Variants in CLTCL1 observed in about 807,000 individuals in gnomAD.
CLTCL1 encodes clathrin heavy chain 2.
In CLTCL1, 159 loss-of-function variants were observed where a neutral mutation model predicts 190.0. The observed-to-expected ratio is 0.84, with a 90% CI of 0.74 to 0.95. The LOEUF (loss-of-function observed/expected upper bound fraction) is 0.95. Among genes scored for constraint, CLTCL1 ranks in the 40% least tolerant of loss-of-function variants. The pLI is 0.00. For synonymous variants in CLTCL1, 752 were observed against 769.6 expected (o/e 0.98, Z 0.38); for missense variants, 1,878 against 2,033.4 (o/e 0.92, Z 1.47).
Position 19,193,046 on chromosome 22 carries a change from A to T in CLTCL1, c.4192-1611T>A, listed in dbSNP as rs529412275. ...GACTCAAGTTCATCTTCTGTGGCGA[A>T]TCACCTCCTCAAAGCCCCACCTGCT... is the stretch of plus-strand genomic sequence containing the variant. On this transcript the variant is annotated intron_variant, in intron 26 of 32. Transcript: ENST00000427926. Among the ~76,000 whole-genome samples the T allele has an allele frequency of 2.6e-4, 40 of 152,270 alleles. No homozygotes were observed. In the South Asian group the frequency reaches 8.1e-3, roughly 31 times the overall value.
At chr22:19,220,663 G>A (rs1877256519) in intron 17 of CLTCL1, among the ~76,000 whole-genome samples, 1 of 152,232 alleles carries the variant, frequency 6.6e-6, no homozygotes, top group African/African-American at 2.4e-5. Context: ...ACAAGGCTGA[G>A]CGGCGTGCAC....
intron 29 of CLTCL1, among the ~76,000 whole-genome samples, chr22:19,186,636 T>C (rs1174345095): frequency 1.3e-5 from 2 of 152,066 alleles, no homozygotes; most frequent in African/African-American, 4.8e-5. Flanking sequence ...AGTCTCACTC[T>C]GTCACCCGGG....
At chr22:19,214,745 A>G (rs2145689654) in intron 19 of CLTCL1, among the ~76,000 whole-genome samples, 1 of 146,842 alleles carries the variant, frequency 6.8e-6, no homozygotes, top group East Asian at 2.0e-4. Flanking sequence ...TAGTGGTGCC[A>G]TCTCGGCTCA....
chr22:19,242,982 T>C (rs782405737), intron 3 of CLTCL1, 46 bp from the exon 4 acceptor site: 35 of 1,524,474 alleles, frequency 2.3e-5, no homozygotes, highest in Middle Eastern at 1.8e-4. Context: ...AAGAGAGGAA[T>C]ATAAAGAAAC....
chr22:19,202,571 C>CCGT (rs2084932090), intron 22 of CLTCL1, among the ~76,000 whole-genome samples: 5 of 141,720 alleles, frequency 3.5e-5, no homozygotes, highest in African/African-American at 1.3e-4. Flanking sequence ...TCCCCTCCTT[C>CCGT]CATCATCCAT....
In CLTCL1 at chr22:19,208,211, G is replaced by C; in HGVS notation, c.3543C>G (p.Ser1181Arg). 6.2e-7 allele frequency: 1 copy of C among 1,613,830 alleles called. No individual in the cohort carries two copies. Among genetic ancestry groups the C allele is most frequent in the South Asian group, 1.1e-5 (1 of 91,076 alleles). Reference protein sequence around the residue: ...TELIFALAKTSRVSELEDFIN... With the variant: ...TELIFALAKTRRVSELEDFIN... Reference sequence around the variant, plus strand: ...TAAAATCTTCTAGCTCAGAAACACGGCTGGTTTTAGCCAAGGCAAAAATAA... The same window carrying C: ...TAAAATCTTCTAGCTCAGAAACACGCCTGGTTTTAGCCAAGGCAAAAATAA... The change falls in exon 22 of 33, where the codon AGC becomes AGG. Residue 1181 changes from serine (S) to arginine (R), a missense_variant. Coordinates refer to ENST00000427926, the MANE Select transcript of CLTCL1 (RefSeq NM_007098.4).
chr22:19,222,011 A>G lies in CLTCL1; in HGVS notation c.2501T>C (p.Met834Thr), dbSNP rs781864337. Residue 834 changes from methionine (M) to threonine (T), a missense_variant, in exon 16 of 33, where the codon ATG becomes ACG. Transcript: ENST00000427926. ...AGTAGAGAACTGTCCTCTCACTGCC[A>G]TGATTAAGTGTTTAATCACTTCCTC... ...CSEEVIKHLI[M>T]AVRGQFSTDE... is the part of the protein sequence containing the mutation. 3 of 1,613,878 alleles carry G rather than the reference A, an allele frequency of 1.9e-6. No homozygotes were observed. Among genetic ancestry groups the G allele is most frequent in the Non-Finnish European group, 8.5e-7 (1 of 1,179,754 alleles).
In CLTCL1 at chr22:19,261,510, C is replaced by A. The variant is rs181625186; in HGVS notation, c.251-7283G>T. 2.0e-5 allele frequency among the ~76,000 whole-genome samples: 3 copies of A among 152,270 alleles called. No homozygotes were observed. The East Asian group carries it at 5.8e-4, about 29-fold the overall frequency. Reference sequence around the variant, plus strand: ...AACCTCCTGGAAAGGATTCACCATTCTAGATGCAACTAAGAACATTCGTGA... The same window carrying A: ...AACCTCCTGGAAAGGATTCACCATTATAGATGCAACTAAGAACATTCGTGA... On this transcript the variant is annotated intron_variant, in intron 2 of 32. Transcript: ENST00000427926.
chr22:19,282,981 C>T (rs546858302), intron 1 of CLTCL1, among the ~76,000 whole-genome samples: 1 of 151,436 alleles, frequency 6.6e-6, no homozygotes, highest in Non-Finnish European at 1.5e-5. Context: ...AAGTGATTCT[C>T]CAGCCTCAGC....
At chr22:19,252,652 G>A (rs115049933) in intron 3 of CLTCL1, among the ~76,000 whole-genome samples, 13 of 152,242 alleles carry the variant, frequency 8.5e-5, no homozygotes, top group East Asian at 3.9e-4. Flanking sequence ...ATTGAATGAC[G>A]AAGATCTATG....
intron 27 of CLTCL1, among the ~76,000 whole-genome samples, chr22:19,188,646 T>A (rs2084393191): frequency 6.7e-6 from 1 of 149,978 alleles, no homozygotes; most frequent in Non-Finnish European, 1.5e-5. Context: ...GGAGTCTTGC[T>A]CGTCGCCCAC....
chr22:19,207,215 C>G (rs1452015465), intron 22 of CLTCL1, among the ~76,000 whole-genome samples: 1 of 151,734 alleles, frequency 6.6e-6, no homozygotes, highest in Non-Finnish European at 1.5e-5. Flanking sequence ...CGGGGTTTTG[C>G]CATGTTGACC....
intron 20 of CLTCL1, chr22:19,209,332 C>G (rs2085148191): frequency 4.3e-6 from 2 of 461,138 alleles, no homozygotes; most frequent in Non-Finnish European, 7.7e-6. Context: ...AAGAGACACT[C>G]CAATAAAGAG....
intron 1 of CLTCL1, among the ~76,000 whole-genome samples, chr22:19,277,783 A>G (rs1444502803): frequency 1.3e-5 from 2 of 152,202 alleles, no homozygotes; most frequent in East Asian, 3.9e-4. Flanking sequence ...TAGTTATCCT[A>G]CAATTTAATT....
intron 12 of CLTCL1, 147 bp downstream of exon 12, chr22:19,226,072 T>C: frequency 1.1e-6 from 1 of 926,738 alleles, no homozygotes; most frequent in South Asian, 1.8e-5. Flanking sequence ...GAATTAGAAC[T>C]GCTTTTGGTA....
In CLTCL1 at chr22:19,196,529, T is replaced by C; in HGVS notation, c.4001A>G (p.Glu1334Gly). ...YSKFKPQKML[E>G]HLELFWSRVN... ...ACGGGACCAGAAAAGCTCCAGATGC[T>C]CCAGCATCTTCTGTGGCTTGAATTT... is the stretch of plus-strand genomic sequence containing the variant. Residue 1334 changes from glutamate to glycine, a missense_variant, in exon 25 of 33, where the codon GAG (glutamate) becomes GGG (glycine). By Grantham distance (98) the Glu-to-Gly change is moderately conservative (BLOSUM62 -2). Coordinates refer to ENST00000427926, the MANE Select transcript of CLTCL1 (RefSeq NM_007098.4). The C allele has an allele frequency of 1.2e-6, 2 of 1,614,048 alleles. No individual in the cohort carries two copies. The highest frequency in any genetic ancestry group is 1.7e-6 in the Non-Finnish European group (2 of 1,179,888).
chr22:19,257,822 C>T, intron 2 of CLTCL1: 1 of 1,430,506 alleles, frequency 7.0e-7, no homozygotes, highest in Non-Finnish European at 9.3e-7. Flanking sequence ...GAGTGAGGAG[C>T]CTGGAGACTG....
chr22:19,233,643 A>G (rs1284315609), intron 7 of CLTCL1, 21 bp from the exon 8 acceptor site: 1 of 1,607,934 alleles, frequency 6.2e-7, no homozygotes, highest in East Asian at 2.2e-5. Flanking sequence ...ATGGAAAAAT[A>G]GGTCATTGTG....
intron 5 of CLTCL1, among the ~76,000 whole-genome samples, chr22:19,238,246 T>C (rs5748060): frequency 0.021 from 3,200 of 152,214 alleles, 76 homozygotes; most frequent in East Asian, 0.069. Flanking sequence ...CACACCGCCA[T>C]GCCCAGTTAA....
Sources: allele counts gnomAD v4.1 joint callset (sites outside exome capture counted in the v4.1 genomes callset), GRCh38; gene constraint gnomAD v4.1.1; transcripts MANE v1.5; gene names NCBI Gene and HGNC (gene_info 2026-07-23, HGNC 2026-07-21).